GPD2: variants seen among roughly 807,000 people sequenced by gnomAD.
GPD2 encodes glycerol-3-phosphate dehydrogenase, mitochondrial.
Under a neutral mutation model 82.4 loss-of-function variants are expected in GPD2, and 54 were observed. The observed-to-expected ratio is 0.66, with a 90% CI of 0.53 to 0.82. The LOEUF (loss-of-function observed/expected upper bound fraction) is 0.82, where lower values mean the gene tolerates loss of function less well. Among genes scored for constraint, GPD2 ranks in the 40% least tolerant of loss-of-function variants. The probability of loss-of-function intolerance (pLI) is 0.00; values close to 1 mark genes in which losing one functional copy is unlikely to be tolerated. For synonymous variants in GPD2, 288 were observed against 306.1 expected (o/e 0.94, Z 0.62); for missense variants, 748 against 896.2 (o/e 0.83, Z 2.11).
chr2:156,479,313 G>A (rs1315155337), intron 2 of GPD2, among the ~76,000 whole-genome samples: 1 of 152,192 alleles, frequency 6.6e-6, no homozygotes, highest in African/African-American at 2.4e-5. Flanking sequence ...AGCCATTGTA[G>A]GTGGGAGAAT....
chr2:156,503,603 G>A (rs1192563735), intron 3 of GPD2, among the ~76,000 whole-genome samples: 3 of 152,124 alleles, frequency 2.0e-5, no homozygotes, highest in Admixed American at 2.0e-4. Context: ...AGAGATAGAT[G>A]TATAAGTATT....
At chr2:156,557,009 T>C (rs138001693) in intron 8 of GPD2, among the ~76,000 whole-genome samples, 1 of 152,346 alleles carries the variant, frequency 6.6e-6, no homozygotes, top group East Asian at 1.9e-4. Context: ...GACATATCCT[T>C]AATTTACCAT....
chr2:156,567,107 T>A (rs995691888), intron 9 of GPD2, among the ~76,000 whole-genome samples: 6 of 152,142 alleles, frequency 3.9e-5, no homozygotes, highest in African/African-American at 1.2e-4. Flanking sequence ...ATGTTCTGCA[T>A]ATATGATATA....
intron 2 of GPD2, among the ~76,000 whole-genome samples, chr2:156,492,983 C>T (rs936761934): frequency 6.6e-6 from 1 of 152,074 alleles, no homozygotes; most frequent in African/African-American, 2.4e-5. Flanking sequence ...ATCTGGGTTC[C>T]TGAATGGTGG....
chr2:156,566,865 G>T (rs1320115827), intron 9 of GPD2, among the ~76,000 whole-genome samples: 1 of 151,936 alleles, frequency 6.6e-6, no homozygotes, highest in Non-Finnish European at 1.5e-5. Flanking sequence ...ACCAGTATTT[G>T]TTATTTTCTG....
intron 3 of GPD2, among the ~76,000 whole-genome samples, 197 bp from the exon 4 acceptor site, chr2:156,510,599 C>G (rs75132651): frequency 0.021 from 3,133 of 152,300 alleles, 110 homozygotes; most frequent in African/African-American, 0.071. Flanking sequence ...GCTTCTAGTT[C>G]TGGCTTGACT....
At chr2:156,511,057 A>T (rs1458428191) in intron 4 of GPD2, 137 bp downstream of exon 4, 2 of 811,340 alleles carry the variant, frequency 2.5e-6, no homozygotes, top group Non-Finnish European at 4.3e-6. Flanking sequence ...ATTCTGCTGG[A>T]ATATCTTTCA....
At chr2:156,432,500 T>C (rs1688329481), upstream of GPD2, among the ~76,000 whole-genome samples, 1 of 152,182 alleles carries the variant, frequency 6.6e-6, no homozygotes, top group South Asian at 2.1e-4. Flanking sequence ...TGAGAACATG[T>C]GATACTTGGT....
intron 9 of GPD2, among the ~76,000 whole-genome samples, chr2:156,566,473 T>A (rs1273410849): frequency 6.6e-6 from 1 of 152,140 alleles, no homozygotes; most frequent in Non-Finnish European, 1.5e-5. Flanking sequence ...AATTGTACAA[T>A]ATTTGTCCTC....
At chr2:156,525,382 G>A (rs1263409915) in intron 6 of GPD2, among the ~76,000 whole-genome samples, 1 of 152,138 alleles carries the variant, frequency 6.6e-6, no homozygotes, top group Non-Finnish European at 1.5e-5. Context: ...TCCTTCCCTA[G>A]TTTTGGAAGC....
intron 6 of GPD2, among the ~76,000 whole-genome samples, chr2:156,536,595 A>T (rs1686091247): frequency 1.3e-5 from 2 of 152,198 alleles, no homozygotes; most frequent in Non-Finnish European, 1.5e-5. Flanking sequence ...TGCCTGCTAA[A>T]AGGTTTCTTG....
At chr2:156,548,226 T>C (rs1407550086) in intron 6 of GPD2, among the ~76,000 whole-genome samples, 1 of 152,238 alleles carries the variant, frequency 6.6e-6, no homozygotes, top group African/African-American at 2.4e-5. Context: ...TTAATAAAAA[T>C]TGATTTCTTC....
intron 1 of GPD2, among the ~76,000 whole-genome samples, chr2:156,451,719 A>C (rs1165274778): frequency 1.4e-5 from 2 of 139,904 alleles, no homozygotes; most frequent in African/African-American, 5.4e-5. Flanking sequence ...TCCCTCCCGG[A>C]CGGGGCGGCT....
At position 156,481,351 on chromosome 2, in the gene GPD2, C is replaced by G. The variant is rs1042293714; in HGVS notation, c.102+5144C>G. 9.2e-5 allele frequency among the ~76,000 whole-genome samples: 14 copies of G among 151,996 alleles called. No homozygotes were observed. In the East Asian group the frequency reaches 2.3e-3, roughly 25 times the overall value. Reference sequence around the variant, plus strand: ...TCTTGTAGCTTTTTGAAAATATACACTAAATTATTGTTAACCATATTCAGC... The same window carrying G: ...TCTTGTAGCTTTTTGAAAATATACAGTAAATTATTGTTAACCATATTCAGC... On this transcript the variant is annotated intron_variant, in intron 2 of 16. Coordinates refer to ENST00000438166, the MANE Select transcript of GPD2 (RefSeq NM_000408.5).
intron 13 of GPD2, among the ~76,000 whole-genome samples, chr2:156,577,028 TACAC>T (rs1054632735): frequency 2.0e-5 from 3 of 152,088 alleles, no homozygotes; most frequent in East Asian, 1.9e-4. Context: ...CATGCACACA[TACAC>T]ACACACAAAC....
intron 9 of GPD2, among the ~76,000 whole-genome samples, chr2:156,559,366 A>G (rs1047565080): frequency 4.6e-5 from 7 of 152,224 alleles, no homozygotes; most frequent in Non-Finnish European, 1.0e-4. Context: ...TATGGTAGCC[A>G]TTTGAAAATC....
chr2:156,577,931 G>A (rs2105376219), intron 13 of GPD2, among the ~76,000 whole-genome samples: 1 of 152,250 alleles, frequency 6.6e-6, no homozygotes, highest in Middle Eastern at 3.4e-3. Flanking sequence ...CTCAAAAGTA[G>A]CATATATCAT....
At chr2:156,505,420 A>G (rs1282181169) in intron 3 of GPD2, among the ~76,000 whole-genome samples, 3 of 152,166 alleles carry the variant, frequency 2.0e-5, no homozygotes, top group South Asian at 2.1e-4. Flanking sequence ...AAAGTAATCA[A>G]TAATAAAAAC....
intron 16 of GPD2, among the ~76,000 whole-genome samples, chr2:156,581,421 T>G (rs2105382089): frequency 6.6e-6 from 1 of 152,254 alleles, no homozygotes; most frequent in Admixed American, 6.5e-5. Context: ...AACCTCTAGC[T>G]TTGTCAGTTG....
Sources: allele counts gnomAD v4.1 joint callset (sites outside exome capture counted in the v4.1 genomes callset), GRCh38; gene constraint gnomAD v4.1.1; transcripts MANE v1.5; gene names NCBI Gene and HGNC (gene_info 2026-07-23, HGNC 2026-07-21).